Variants in LCN2 observed in about 807,000 individuals in gnomAD.
LCN2 encodes lipocalin 2.
In LCN2, 27 loss-of-function variants were observed where a neutral mutation model predicts 26.4. The observed-to-expected ratio is 1.02, with a 90% CI of 0.76 to 1.41. LCN2 has a LOEUF of 1.41. Among genes scored for constraint, LCN2 ranks in the 40% most tolerant of loss-of-function variants. The pLI is 0.00. For synonymous variants in LCN2, 94 were observed against 98.9 expected, an observed-to-expected ratio of 0.95 and a Z score of 0.30; for missense variants, 224 against 237.6, an observed-to-expected ratio of 0.94 and a Z score of 0.38.
At position 128,152,001 on chromosome 9, in the gene LCN2, G is replaced by A. The variant is rs1168401319; in HGVS notation, c.451G>A (p.Glu151Lys). Reference sequence around the variant, plus strand: ...CTTCAAGAAAGTTTCTCAAAACAGGGAGTACTTCAAGATCACCCTCTACGG... The same window carrying A: ...CTTCAAGAAAGTTTCTCAAAACAGGAAGTACTTCAAGATCACCCTCTACGG... Reference protein sequence around the residue: ...VFFKKVSQNREYFKITLYGRT... With the variant: ...VFFKKVSQNRKYFKITLYGRT... Residue 151 changes from glutamate (E) to lysine (K), a missense_variant, in exon 4 of 7, where the codon GAG becomes AAG. Physicochemically the swap from Glu to Lys is moderately conservative, Grantham distance 56 (BLOSUM62 1). Transcript: ENST00000277480. 1.9e-6 allele frequency: 3 copies of A among 1,614,016 alleles called. No individual in the cohort carries two copies. Among genetic ancestry groups the A allele is most frequent in the Non-Finnish European group, 2.5e-6 (3 of 1,180,006 alleles).
rs1835015782 is a variant in LCN2, at chr9:128,152,220, C to T, written c.513C>T (p.Asn171=). The change falls in exon 5 of 7, where the codon AAC becomes AAT. Residue 171 remains asparagine, a synonymous_variant. Coordinates refer to ENST00000277480, the MANE Select transcript of LCN2 (RefSeq NM_005564.5). ...TKELTSELKE[N]FIRFSKSLGL... ...AGCTGACTTCGGAACTAAAGGAGAA[C>T]TTCATCCGCTTCTCCAAATCTCTGG... 1 of 1,614,134 alleles carries T rather than the reference C, an allele frequency of 6.2e-7. No homozygotes were observed. The highest frequency in any genetic ancestry group is 8.5e-7 in the Non-Finnish European group (1 of 1,180,022).
chr9:128,149,954 A>T (rs1834989156), intron 1 of LCN2, among the ~76,000 whole-genome samples: 1 of 151,434 alleles, frequency 6.6e-6, no homozygotes, highest in African/African-American at 2.4e-5. Context: ...ACAGATGAGG[A>T]AACTGAGGCT....
In LCN2 at chr9:128,150,367, C is replaced by T; in HGVS notation, c.268C>T (p.Leu90=). Residue 90 remains leucine (L), a synonymous_variant, in exon 2 of 7, where the codon CTG becomes TTG. Coordinates refer to ENST00000277480, the MANE Select transcript of LCN2 (RefSeq NM_005564.5). The part of the protein sequence containing the change: ...EDKSYNVTSV[L]FRKKKCDYWI... ...CAAGAGCTACAATGTCACCTCCGTC[C>T]TGTTTAGGTGAGGGCCGACATCTCC... is the stretch of plus-strand genomic sequence containing the variant. 1 of 1,614,198 alleles carries T rather than the reference C, an allele frequency of 6.2e-7. No homozygotes were observed. The highest frequency in any genetic ancestry group is 1.1e-5 in the South Asian group (1 of 91,084).
chr9:128,150,904 AG>A lies in LCN2; in HGVS notation c.275+533del, dbSNP rs542238303. Among the ~76,000 whole-genome samples the A allele has an allele frequency of 1.5e-4, 23 of 152,344 alleles. 2 individuals carry two copies. In the South Asian group the frequency reaches 4.1e-3, roughly 27 times the overall value. On this transcript the variant is annotated intron_variant, in intron 2 of 6. Coordinates refer to ENST00000277480, the MANE Select transcript of LCN2 (RefSeq NM_005564.5). Reference sequence around the variant, plus strand: ...GATCTGCTGCGGAGTGGCTTAGAGCAGGGCTCTTGGGCCGCAGGGTGGGGAG... The same window carrying A: ...GATCTGCTGCGGAGTGGCTTAGAGCAGGCTCTTGGGCCGCAGGGTGGGGAG...
rs1025429136 is a variant in LCN2 at position 128,153,042 on chromosome 9, A to G, written c.578-58A>G. On this transcript the variant is annotated intron_variant, in intron 5 of 6. Transcript: ENST00000277480. The surrounding 1 kb of genome is among the most constrained non-coding windows in gnomAD (Gnocchi z 5.4). The stretch of plus-strand genomic sequence containing the variant: ...TGGCAGTCAGGGATCACACACACAC[A>G]CTCATACACGCACACACACACACAG... 4 of 1,612,398 alleles carry G rather than the reference A, an allele frequency of 2.5e-6. No individual in the cohort carries two copies. In the African/African-American group the frequency reaches 4.0e-5, roughly 16 times the overall value.
chr9:128,149,758 A>G, intron 1 of LCN2, 95 bp downstream of exon 1: 1 of 1,472,686 alleles, frequency 6.8e-7, no homozygotes, highest in East Asian at 2.3e-5. Flanking sequence ...AGCGTTGGGC[A>G]GGACTCTAGG....
Position 128,150,525 on chromosome 9 carries a change from T to C in LCN2, c.275+151T>C, listed in dbSNP as rs759036350. 16 of 964,264 alleles carry C rather than the reference T, an allele frequency of 1.7e-5. No homozygotes were observed. In the South Asian group the frequency reaches 2.1e-4, roughly 13 times the overall value. The allele number at this position is 964,264 out of a possible 1,614,324, so 59.7% of individuals were successfully genotyped here. A position where few individuals can be genotyped will look rare whatever the true frequency, so the allele number is the denominator to read the frequency against. On this transcript the variant is annotated intron_variant, in intron 2 of 6. Coordinates refer to ENST00000277480, the MANE Select transcript of LCN2 (RefSeq NM_005564.5). ...CCTCTGTTCCTTAGAGCAACGTTTA[T>C]AGCACATTTCCATGCAGACACACAG...
rs373803852 is a variant in LCN2 at position 128,152,090 on chromosome 9, T to A, written c.475+65T>A. 8.3e-5 allele frequency: 133 copies of A among 1,610,862 alleles called. No individual in the cohort carries two copies. The African/African-American group carries it at 1.6e-3, about 19-fold the overall frequency. On this transcript the variant is annotated intron_variant, in intron 4 of 6. Transcript: ENST00000277480. Reference sequence around the variant, plus strand: ...CACACTTAGTGGGAGGGGAGGCCGGTCCCCCATGAGGAAGGGATCTGAGGC... The same window carrying A: ...CACACTTAGTGGGAGGGGAGGCCGGACCCCCATGAGGAAGGGATCTGAGGC...
chr9:128,151,596 T>C, intron 2 of LCN2, 42 bp from the exon 3 acceptor site: 1 of 1,540,168 alleles, frequency 6.5e-7, no homozygotes, highest in Non-Finnish European at 9.0e-7. Context: ...GGCCCAAGCC[T>C]GGGTTGTCTC....
chr9:128,150,184 A>C (rs1046010847), intron 1 of LCN2, 54 bp from the exon 2 acceptor site: 2 of 1,580,358 alleles, frequency 1.3e-6, no homozygotes, highest in Admixed American at 1.7e-5. Context: ...ACAGAGCTGG[A>C]GGGGTGGCTC....
chr9:128,150,645 T>C, intron 2 of LCN2: 1 of 613,120 alleles, frequency 1.6e-6, no homozygotes, highest in Non-Finnish European at 3.0e-6. Flanking sequence ...GGATCCAGCC[T>C]GGAACCCCAC....
Position 128,149,558 on chromosome 9 carries a change from C to A in LCN2, c.33C>A (p.Ala11=). 1 of 1,613,902 alleles carries A rather than the reference C, an allele frequency of 6.2e-7. No homozygotes were observed. The highest frequency in any genetic ancestry group is 8.5e-7 in the Non-Finnish European group (1 of 1,179,930). ...TAGGTCTCCTGTGGCTGGGCCTAGC[C>A]CTGTTGGGGGCTCTGCATGCCCAGG... is the stretch of plus-strand genomic sequence containing the variant. MPLGLLWLGL[A]LLGALHAQAQ... Residue 11 remains alanine (A), a synonymous_variant, in exon 1 of 7, where the codon GCC becomes GCA. Coordinates refer to ENST00000277480, the MANE Select transcript of LCN2 (RefSeq NM_005564.5).
In LCN2 at chr9:128,149,475, C is replaced by A. The variant is rs1330511831; in HGVS notation, c.-51C>A. The A allele has an allele frequency of 6.0e-6, 9 of 1,509,006 alleles. No individual in the cohort carries two copies. Among genetic ancestry groups the A allele is most frequent in the Non-Finnish European group, 7.1e-6 (8 of 1,128,536 alleles). The allele number at this position is 1,509,006 out of a possible 1,614,324, so 93.5% of individuals were successfully genotyped here. On this transcript the variant is annotated 5_prime_UTR_variant, in exon 1 of 7. Transcript: ENST00000277480. ...CTCACTCGCCACCTCCTCTTCCACC[C>A]CTGCCAGGCCCAGCAGCCACCACAG...
rs878864720 is a variant in LCN2, at chr9:128,150,379, G to A, written c.275+5G>A. 1.3e-5 allele frequency: 21 copies of A among 1,614,072 alleles called. No individual in the cohort carries two copies. Among genetic ancestry groups the A allele is most frequent in the Non-Finnish European group, 1.7e-5 (20 of 1,180,030 alleles). On this transcript the variant is annotated splice_donor_5th_base_variant and intron_variant, in intron 2 of 6. Coordinates refer to ENST00000277480, the MANE Select transcript of LCN2 (RefSeq NM_005564.5). The stretch of plus-strand genomic sequence containing the variant: ...TGTCACCTCCGTCCTGTTTAGGTGA[G>A]GGCCGACATCTCCTGGGGGTGTGAG...
In LCN2 at chr9:128,153,007, G is replaced by T; in HGVS notation, c.578-93G>T. 1 of 1,592,980 alleles carries T rather than the reference G, an allele frequency of 6.3e-7. No individual in the cohort carries two copies. Reference sequence around the variant, plus strand: ...GGGGCAGGGGCTGCCCAGGGGCAGTGCAGAGGACCTGGCAGTCAGGGATCA... The same window carrying T: ...GGGGCAGGGGCTGCCCAGGGGCAGTTCAGAGGACCTGGCAGTCAGGGATCA... On this transcript the variant is annotated intron_variant, in intron 5 of 6. Transcript: ENST00000277480. The surrounding 1 kb of genome is among the most constrained non-coding windows in gnomAD (Gnocchi z 5.4).
intron 3 of LCN2, 89 bp downstream of exon 3, chr9:128,151,806 T>C: frequency 6.3e-7 from 1 of 1,591,558 alleles, no homozygotes. Context: ...CACAGATGTG[T>C]TGTATGGGGA....
chr9:128,153,418 C>A lies in LCN2; in HGVS notation c.*115C>A, dbSNP rs917521487. 8 of 536,484 alleles carry A rather than the reference C, an allele frequency of 1.5e-5. No individual in the cohort carries two copies. In the Admixed American group the frequency reaches 2.5e-4, roughly 17 times the overall value. 33.2% of individuals were successfully genotyped at this position (536,484 alleles called of 1,614,324 possible). The stretch of plus-strand genomic sequence containing the variant: ...CCCCAGGCCACCCCGCTGATGGAGC[C>A]CCACCTTGTCTGCTAAATAAACATG... On this transcript the variant is annotated 3_prime_UTR_variant, in exon 7 of 7. Coordinates refer to ENST00000277480, the MANE Select transcript of LCN2 (RefSeq NM_005564.5). This position sits in a 1 kb window ranked among gnomAD's most constrained non-coding sequence, Gnocchi z 5.4.
intron 2 of LCN2, among the ~76,000 whole-genome samples, chr9:128,151,027 G>A (rs1411631731): frequency 6.6e-6 from 1 of 152,198 alleles, no homozygotes. Context: ...AAGAGGCAGG[G>A]AGCCAGGGAT....
chr9:128,150,739 A>G (rs1276070779), intron 2 of LCN2: 1 of 437,640 alleles, frequency 2.3e-6, no homozygotes, highest in African/African-American at 2.0e-5. Flanking sequence ...TGTTCCCGGC[A>G]GGGGCTGGAG....
Sources: allele counts gnomAD v4.1 joint callset (sites outside exome capture counted in the v4.1 genomes callset), GRCh38; gene constraint gnomAD v4.1.1; non-coding constraint Gnocchi (gnomAD v3.1); transcripts MANE v1.5; gene names NCBI Gene and HGNC (gene_info 2026-07-23, HGNC 2026-07-21).